Variants in SKAP2 observed in about 807,000 individuals in gnomAD.
SKAP2 encodes src kinase-associated phosphoprotein 2.
In SKAP2, 28 loss-of-function variants were observed where a neutral mutation model predicts 54.9. The ratio of observed to expected loss-of-function variants is 0.51; its 90% CI spans 0.38 to 0.70. The LOEUF is 0.70. Among genes scored for constraint, SKAP2 ranks in the 30% least tolerant of loss-of-function variants. SKAP2 has a pLI of 0.00. For missense variants in SKAP2, 356 were observed against 424.1 expected (o/e 0.84, Z 1.41); for synonymous variants, 137 against 134.3 (o/e 1.02, Z -0.14).
At chr7:26,705,534 C>T (rs541304662) in intron 9 of SKAP2, among the ~76,000 whole-genome samples, 5 of 152,174 alleles carry the variant, frequency 3.3e-5, no homozygotes, top group African/African-American at 1.2e-4. Context: ...CCTATTCTAG[C>T]TAAATAAAAG....
At chr7:26,801,868 C>A (rs1303964383) in intron 4 of SKAP2, among the ~76,000 whole-genome samples, 1 of 151,882 alleles carries the variant, frequency 6.6e-6, no homozygotes, top group Non-Finnish European at 1.5e-5. Context: ...ACCTAAAAAT[C>A]AAAAAATATT....
At chr7:26,765,112 C>T (rs1489360526) in intron 4 of SKAP2, among the ~76,000 whole-genome samples, 3 of 151,894 alleles carry the variant, frequency 2.0e-5, no homozygotes, top group African/African-American at 7.3e-5. Flanking sequence ...TAAAAGCGTT[C>T]CTATTTCTCC....
chr7:26,843,037 T>C (rs1440481518), intron 4 of SKAP2, among the ~76,000 whole-genome samples: 1 of 152,078 alleles, frequency 6.6e-6, no homozygotes. Context: ...AGAATGTTTA[T>C]CACTTATGCA....
intron 9 of SKAP2, 46 bp from the exon 10 acceptor site, chr7:26,690,408 G>C: frequency 8.2e-7 from 1 of 1,225,216 alleles, no homozygotes; most frequent in Non-Finnish European, 1.2e-6. Context: ...TTTTCTCAGG[G>C]ATAACACTAC....
rs1214241721 is a variant in SKAP2 at position 26,690,274 on chromosome 7, C to T, written c.874+11G>A. 1 of 1,579,550 alleles carries T rather than the reference C, an allele frequency of 6.3e-7. No homozygotes were observed. Among genetic ancestry groups the T allele is most frequent in the Admixed American group, 1.7e-5 (1 of 59,790 alleles). ...AAATAAGGTTTGCCAAGAAGCTACA[C>T]AAGTCATTACCTGAGGTGTGATGGA... On this transcript the variant is annotated intron_variant, in intron 10 of 12. Coordinates refer to ENST00000345317, the MANE Select transcript of SKAP2 (RefSeq NM_003930.5).
At chr7:26,736,276 C>T (rs1232279496) in intron 6 of SKAP2, among the ~76,000 whole-genome samples, 1 of 152,142 alleles carries the variant, frequency 6.6e-6, no homozygotes, top group Non-Finnish European at 1.5e-5. Context: ...GGCCAAAACC[C>T]ACCAAAATCA....
chr7:26,855,120 C>A (rs1293796962), intron 1 of SKAP2: 1 of 294,136 alleles, frequency 3.4e-6, no homozygotes, highest in African/African-American at 2.2e-5. Context: ...ATGCTTACCA[C>A]AGCAAATACT....
chr7:26,798,907 C>T (rs1462261680), intron 4 of SKAP2, among the ~76,000 whole-genome samples: 1 of 151,902 alleles, frequency 6.6e-6, no homozygotes, highest in African/African-American at 2.4e-5. Context: ...AACCAAAAAA[C>T]ATACAACGGA....
intron 9 of SKAP2, among the ~76,000 whole-genome samples, chr7:26,700,992 C>T (rs1191773547): frequency 6.6e-6 from 1 of 152,216 alleles, no homozygotes; most frequent in East Asian, 1.9e-4. Context: ...CTCTGGGAAG[C>T]AGCTGGCCTC....
intron 11 of SKAP2, among the ~76,000 whole-genome samples, chr7:26,677,358 C>T (rs150563727): frequency 3.7e-4 from 55 of 149,162 alleles, no homozygotes; most frequent in African/African-American, 1.4e-3. Context: ...CATCACTGCA[C>T]CCCAGCCTGG....
At chr7:26,757,422 A>G (rs576373158) in intron 4 of SKAP2, among the ~76,000 whole-genome samples, 69 of 152,234 alleles carry the variant, frequency 4.5e-4, no homozygotes, top group Middle Eastern at 3.4e-3. Context: ...CCATTTATTA[A>G]ATAGGGAATC....
At chr7:26,734,445 T>C (rs1787882678) in intron 6 of SKAP2, among the ~76,000 whole-genome samples, 1 of 152,158 alleles carries the variant, frequency 6.6e-6, no homozygotes, top group Non-Finnish European at 1.5e-5. Context: ...CTTCATTCCA[T>C]TTTTGATCCC....
At chr7:26,662,882 T>C (rs763492946), downstream of SKAP2, among the ~76,000 whole-genome samples, 8 of 152,056 alleles carry the variant, frequency 5.3e-5, no homozygotes, top group Non-Finnish European at 1.0e-4. Flanking sequence ...TTGTAACATC[T>C]CATGCCTCAT....
chr7:26,661,340 T>C, the SKAP2 span, among the ~76,000 whole-genome samples: 2 of 152,146 alleles, frequency 1.3e-5, no homozygotes, highest in African/African-American at 4.8e-5. Flanking sequence ...CTGATGTTTT[T>C]TAACTAGAAA....
At chr7:26,719,291 C>T (rs2127953407) in intron 9 of SKAP2, among the ~76,000 whole-genome samples, 1 of 152,322 alleles carries the variant, frequency 6.6e-6, no homozygotes, top group Middle Eastern at 3.4e-3. Context: ...AGCTCCTCTT[C>T]ACGGATCCCC....
At chr7:26,762,492 G>T (rs1345404889) in intron 4 of SKAP2, among the ~76,000 whole-genome samples, 1 of 151,864 alleles carries the variant, frequency 6.6e-6, no homozygotes, top group African/African-American at 2.4e-5. Context: ...ACACACACAT[G>T]CAATACTGCC....
intron 11 of SKAP2, among the ~76,000 whole-genome samples, chr7:26,671,951 G>A (rs892393912): frequency 2.0e-5 from 3 of 151,936 alleles, no homozygotes; most frequent in Admixed American, 6.6e-5. Context: ...CGTACTTAAC[G>A]TTCCACAGAC....
At chr7:26,748,396 T>G (rs929881496) in intron 4 of SKAP2, among the ~76,000 whole-genome samples, 1 of 152,122 alleles carries the variant, frequency 6.6e-6, no homozygotes, top group Non-Finnish European at 1.5e-5. Flanking sequence ...ACTGAATCAA[T>G]CATTTAAAAG....
chr7:26,798,447 T>C (rs113274454), intron 4 of SKAP2, among the ~76,000 whole-genome samples: 210 of 152,038 alleles, frequency 1.4e-3, no homozygotes, highest in Admixed American at 4.1e-3. Context: ...AATAGGAGAA[T>C]TGGTCAAGCA....
Sources: gnomAD v4.1 joint callset for allele counts (sites outside exome capture counted in the v4.1 genomes callset) on GRCh38, gnomAD v4.1.1 for gene constraint, MANE v1.5 for transcripts, NCBI Gene and HGNC (gene_info 2026-07-23, HGNC 2026-07-21) for gene names.